The following DNAAF1 variants were observed in gnomAD, a reference collection of about 807,000 sequenced individuals.
DNAAF1 encodes the protein dynein axonemal assembly factor 1, also known as dynein assembly factor 1, axonemal.
Under a neutral mutation model 71.1 loss-of-function variants are expected in DNAAF1, and 65 were observed. That is an observed-to-expected ratio of 0.91 (90% CI 0.75 to 1.12). The LOEUF (loss-of-function observed/expected upper bound fraction) is 1.12, where lower values mean the gene tolerates loss of function less well. DNAAF1 is among the 50% of genes most tolerant of loss of function. The pLI, the probability that DNAAF1 is intolerant of heterozygous loss-of-function variation, is 0.00. For synonymous variants in DNAAF1, 414 were observed against 354.6 expected, an observed-to-expected ratio of 1.17 and a Z score of -1.88; for missense variants, 1,178 against 899.8, an observed-to-expected ratio of 1.31 and a Z score of -3.96.
At chr16:84,145,923 C>T (rs920835802) in intron 1 of DNAAF1, among the ~76,000 whole-genome samples, 4 of 152,090 alleles carry the variant, frequency 2.6e-5, no homozygotes, top group African/African-American at 9.7e-5. Flanking sequence ...TAGTGAAACC[C>T]TGTCTCTACT....
chr16:84,150,616 C>CTTTTTT (rs754336069), intron 3 of DNAAF1, among the ~76,000 whole-genome samples: 7 of 130,352 alleles, frequency 5.4e-5, no homozygotes, highest in Non-Finnish European at 9.6e-5. Flanking sequence ...TCTTTTCTTT[C>CTTTTTT]TTTTTTTTTT....
In DNAAF1 at chr16:84,172,280, G is replaced by A. The variant is rs2088403833; in HGVS notation, c.1549G>A (p.Ala517Thr). 36 of 1,614,038 alleles carry A rather than the reference G, an allele frequency of 2.2e-5. No individual in the cohort carries two copies. Among genetic ancestry groups the A allele is most frequent in the South Asian group, 3.3e-5 (3 of 91,070 alleles). Residue 517 changes from alanine to threonine, a missense_variant, in exon 9 of 12, where the codon GCC becomes ACC. Physicochemically the swap from Ala to Thr is moderately conservative, Grantham distance 58 (BLOSUM62 0). Coordinates refer to ENST00000378553, the MANE Select transcript of DNAAF1 (RefSeq NM_178452.6). ...AREEPTPQAV[A>T]TEGVFVTELD... ...TTTAGAACCGACTCCCCAGGCTGTGGCCACTGAGGGTGTATTCGTTACAGA... is the reference window on the plus strand; with the variant it reads ...TTTAGAACCGACTCCCCAGGCTGTGACCACTGAGGGTGTATTCGTTACAGA...
At chr16:84,172,793 C>G in intron 9 of DNAAF1, 9 of 1,071,456 alleles carry the variant, frequency 8.4e-6, no homozygotes, top group Non-Finnish European at 1.0e-5. Context: ...CTTTTCCCCC[C>G]TCCGTGGACA....
intron 10 of DNAAF1, chr16:84,175,578 G>A (rs1325258374): frequency 3.2e-6 from 1 of 311,394 alleles, no homozygotes; most frequent in Non-Finnish European, 6.1e-6. Context: ...ACTGTGGGGG[G>A]CCTGCTGTCC....
At chr16:84,177,447 G>T (rs1597509665) in intron 11 of DNAAF1, 1 of 384,174 alleles carries the variant, frequency 2.6e-6, no homozygotes, top group East Asian at 6.3e-5. Flanking sequence ...TCCTGCCTCA[G>T]CCTCCCCAGT....
intron 3 of DNAAF1, among the ~76,000 whole-genome samples, chr16:84,151,732 G>T (rs867078798): frequency 6.6e-6 from 1 of 152,224 alleles, no homozygotes; most frequent in African/African-American, 2.4e-5. Flanking sequence ...GCAGTAGCCA[G>T]ACTGTCAGCG....
At chr16:84,152,031 T>C (rs1164959382) in intron 3 of DNAAF1, among the ~76,000 whole-genome samples, 4 of 152,168 alleles carry the variant, frequency 2.6e-5, no homozygotes, top group Non-Finnish European at 5.9e-5. Flanking sequence ...CCAGAGAGCC[T>C]GAGGAGGAAG....
chr16:84,170,394 C>T lies in DNAAF1; in HGVS notation c.1528+38C>T, dbSNP rs1405957686. On this transcript the variant is annotated intron_variant, in intron 8 of 11. Coordinates refer to ENST00000378553, the MANE Select transcript of DNAAF1 (RefSeq NM_178452.6). ...GAGAAACACACACAGACACACACAC[C>T]TCTCAGGGAGCCCCAGCCTTCGACT... 2.5e-6 allele frequency: 4 copies of T among 1,612,642 alleles called. 1 individual carries two copies. The highest frequency in any genetic ancestry group is 3.3e-4 in the Middle Eastern group (2 of 6,062).
At chr16:84,166,009 C>CT (rs760884827) in intron 7 of DNAAF1, 60 bp downstream of exon 7, 5 of 1,576,972 alleles carry the variant, frequency 3.2e-6, no homozygotes. Context: ...CAAGTCTAAG[C>CT]TCTCAAACCC....
chr16:84,147,828 G>A (rs548664348), intron 1 of DNAAF1, among the ~76,000 whole-genome samples: 1 of 152,076 alleles, frequency 6.6e-6, no homozygotes, highest in African/African-American at 2.4e-5. Flanking sequence ...CACTTTGGAA[G>A]GCCAAGGCGG....
chr16:84,159,949 G>T, intron 6 of DNAAF1, among the ~76,000 whole-genome samples, 153 bp downstream of exon 6: 1 of 150,454 alleles, frequency 6.6e-6, no homozygotes, highest in East Asian at 2.0e-4. Context: ...TGACTATAAT[G>T]GGAATTTGAG....
intron 11 of DNAAF1, chr16:84,176,570 C>T: frequency 1.8e-6 from 1 of 546,986 alleles, no homozygotes; most frequent in South Asian, 2.0e-5. Flanking sequence ...TCACAATCCC[C>T]CTGTGGTCAT....
Position 84,155,890 on chromosome 16 carries a change from T to C in DNAAF1, c.741+141T>C, listed in dbSNP as rs553706216. ...CACACTTTTTTCCTCTTTGTGTTTT[T>C]AGCTGGAGTATCTGAAATGCCAGTT... On this transcript the variant is annotated intron_variant, in intron 5 of 11. Coordinates refer to ENST00000378553, the MANE Select transcript of DNAAF1 (RefSeq NM_178452.6). The C allele has an allele frequency of 1.8e-4, 196 of 1,117,734 alleles. 1 individual carries two copies. In the East Asian group the frequency reaches 5.0e-3, roughly 28 times the overall value. The allele number at this position is 1,117,734 out of a possible 1,614,324, so 69.2% of individuals were successfully genotyped here.
At chr16:84,173,762 CAGG>C (rs1173467344) in intron 9 of DNAAF1, 1 of 156,184 alleles carries the variant, frequency 6.4e-6, no homozygotes, top group Non-Finnish European at 1.4e-5. Flanking sequence ...GAGGCTGAGG[CAGG>C]AGAACTGCTT....
chr16:84,159,545 G>A, intron 5 of DNAAF1, 130 bp from the exon 6 acceptor site: 3 of 1,281,796 alleles, frequency 2.3e-6, no homozygotes, highest in Non-Finnish European at 2.2e-6. Context: ...AAGTCACCAG[G>A]ACAGGATATT....
At position 84,177,895 on chromosome 16, in the gene DNAAF1, G is replaced by A; in HGVS notation, c.*54G>A. 1.4e-6 allele frequency: 2 copies of A among 1,466,684 alleles called. No individual in the cohort carries two copies. The highest frequency in any genetic ancestry group is 2.3e-5 in the South Asian group (2 of 88,100). 90.9% of individuals were successfully genotyped at this position (1,466,684 alleles called of 1,614,324 possible). ...GTTTAATCATAAATGTCTCCCTTAG[G>A]CATGATAAACATTTTAACACCCACG... On this transcript the variant is annotated 3_prime_UTR_variant, in exon 12 of 12. Transcript: ENST00000378553.
rs13336236 is a variant in DNAAF1, at chr16:84,159,266, G to A, written c.742-409G>A. ...AGTCACTGCTGCTTCTCTGTCTAGC[G>A]GCTGTGTGCGTTTTGGTAAAATGGA... On this transcript the variant is annotated intron_variant, in intron 5 of 11. Transcript: ENST00000378553. 9.9e-3 allele frequency: 10,945 copies of A among 1,100,736 alleles called. 850 individuals carry two copies. The African/African-American group carries it at 0.16, about 16-fold the overall frequency. The allele number at this position is 1,100,736 out of a possible 1,614,324, so 68.2% of individuals were successfully genotyped here. A position where few individuals can be genotyped will look rare whatever the true frequency, so the allele number is the denominator to read the frequency against.
Position 84,170,182 on chromosome 16 carries a change from C to T in DNAAF1, c.1354C>T (p.Pro452Ser). The change falls in exon 8 of 12, where the codon CCT becomes TCT. Residue 452 changes from proline to serine, a missense_variant. By Grantham distance (74) the Pro-to-Ser change is moderately conservative. Coordinates refer to ENST00000378553, the MANE Select transcript of DNAAF1 (RefSeq NM_178452.6). ...LPAEAPPPPP[P>S]VEVKGEDGDQ... ...AGCTGAGGCCCCACCACCCCCGCCACCTGTGGAGGTTAAAGGAGAGGATGG... is the reference window on the plus strand; with the variant it reads ...AGCTGAGGCCCCACCACCCCCGCCATCTGTGGAGGTTAAAGGAGAGGATGG... 1.2e-6 allele frequency: 2 copies of T among 1,612,856 alleles called. No homozygotes were observed. The highest frequency in any genetic ancestry group is 1.7e-6 in the Non-Finnish European group (2 of 1,179,582).
At chr16:84,155,093 A>G (rs542523930) in intron 4 of DNAAF1, among the ~76,000 whole-genome samples, 12 of 152,222 alleles carry the variant, frequency 7.9e-5, no homozygotes, top group African/African-American at 2.6e-4. Flanking sequence ...TATTTTTAGT[A>G]GAGACGGGGT....
Sources: allele counts gnomAD v4.1 joint callset (sites outside exome capture counted in the v4.1 genomes callset), GRCh38; gene constraint gnomAD v4.1.1; transcripts MANE v1.5; gene names NCBI Gene and HGNC (gene_info 2026-07-23, HGNC 2026-07-21).